Variants in IL21R observed in about 807,000 individuals in gnomAD.
IL21R encodes interleukin 21 receptor.
IL21R carries 14 observed loss-of-function variants against 41.3 expected under a neutral mutation model. That is an observed-to-expected ratio of 0.34 (90% CI 0.22 to 0.53). The LOEUF is 0.53. Ranked by LOEUF, IL21R falls within the 20% of genes least tolerant of loss-of-function variation. IL21R has a pLI of 0.94. For missense variants in IL21R, 588 were observed against 681.6 expected (o/e 0.86, Z 1.53); for synonymous variants, 286 against 287.6 (o/e 0.99, Z 0.05).
chr16:27,416,274 C>A (rs570269480), intron 1 of IL21R, among the ~76,000 whole-genome samples: 1 of 152,114 alleles, frequency 6.6e-6, no homozygotes, highest in Non-Finnish European at 1.5e-5. Context: ...GTAGCCTACA[C>A]TACAGGTTTG....
At chr16:27,418,876 T>A (rs997377352) in intron 1 of IL21R, among the ~76,000 whole-genome samples, 4 of 136,944 alleles carry the variant, frequency 2.9e-5, no homozygotes, top group Admixed American at 7.8e-5. Context: ...TATTTTAAAA[T>A]TTTTTATTTT....
At chr16:27,414,564 A>G (rs2086869663) in intron 1 of IL21R, among the ~76,000 whole-genome samples, 1 of 152,050 alleles carries the variant, frequency 6.6e-6, no homozygotes. Context: ...GACATCAATG[A>G]AAGCACTGAT....
rs2087569224 is a variant in IL21R, at chr16:27,450,282, T to C, written c.*999T>C. The C allele has an allele frequency of 4.3e-6, 1 of 232,398 alleles. No individual in the cohort carries two copies. Among genetic ancestry groups the C allele is most frequent in the Non-Finnish European group, 8.5e-6 (1 of 117,474 alleles). 14.4% of individuals were successfully genotyped at this position (232,398 alleles called of 1,614,324 possible). ...CTACTAAGTTTTTAAAAATTCCCTTTATGCACCCAAGAGATATTTATTAAA... is the reference window on the plus strand; with the variant it reads ...CTACTAAGTTTTTAAAAATTCCCTTCATGCACCCAAGAGATATTTATTAAA... On this transcript the variant is annotated 3_prime_UTR_variant, in exon 9 of 9. Transcript: ENST00000337929.
At position 27,434,388 on chromosome 16, in the gene IL21R, C is replaced by T; in HGVS notation, c.91C>T (p.Gln31Ter). Residue 31 changes from glutamine (Q) to a stop codon, truncating the protein, a stop_gained, in exon 3 of 9, where the codon CAG becomes TAG. Coordinates refer to ENST00000337929, the MANE Select transcript of IL21R (RefSeq NM_181078.3). LOFTEE classifies it high-confidence loss of function. Reference sequence around the variant, plus strand: ...CCTCGTCTGCTACACCGATTACCTCCAGACGGTCATCTGCATCCTGGAAAT... The same window carrying T: ...CCTCGTCTGCTACACCGATTACCTCTAGACGGTCATCTGCATCCTGGAAAT... ...PDLVCYTDYL[Q>*]TVICILEMWN... 6.2e-7 allele frequency: 1 copy of T among 1,614,082 alleles called. No individual in the cohort carries two copies. The highest frequency in any genetic ancestry group is 1.1e-5 in the South Asian group (1 of 91,084).
intron 1 of IL21R, among the ~76,000 whole-genome samples, chr16:27,414,726 C>A (rs959708493): frequency 6.6e-6 from 1 of 151,886 alleles, no homozygotes; most frequent in African/African-American, 2.4e-5. Flanking sequence ...CTTTTATATT[C>A]TTTTTGTGCT....
At chr16:27,447,549 AG>A (rs1412367169) in intron 8 of IL21R, 2 of 152,148 alleles carry the variant, frequency 1.3e-5, no homozygotes, top group Admixed American at 1.3e-4. Context: ...AGGGGAGGGA[AG>A]GGGAGGGTCC....
intron 1 of IL21R, among the ~76,000 whole-genome samples, chr16:27,417,731 G>A (rs2086912328): frequency 6.6e-6 from 1 of 152,166 alleles, no homozygotes; most frequent in Non-Finnish European, 1.5e-5. Flanking sequence ...ACAATTGTAA[G>A]TATTTGTGTA....
intron 1 of IL21R, among the ~76,000 whole-genome samples, chr16:27,406,924 G>C (rs1191586645): frequency 1.3e-5 from 2 of 152,200 alleles, no homozygotes; most frequent in Admixed American, 1.3e-4. Context: ...AGAACCCACT[G>C]AGATGAGAAC....
intron 4 of IL21R, among the ~76,000 whole-genome samples, chr16:27,440,277 A>AGAGAGAGCGC (rs1320948814): frequency 7.3e-6 from 1 of 136,646 alleles, no homozygotes; most frequent in Non-Finnish European, 1.5e-5. Context: ...AGAGAGAGAG[A>AGAGAGAGCGC]GAGCGAGCAA....
In IL21R at chr16:27,451,638, G is replaced by C; in HGVS notation, c.*2355G>C. The C allele has an allele frequency of 4.6e-6, 1 of 219,110 alleles. No homozygotes were observed. Among genetic ancestry groups the C allele is most frequent in the Non-Finnish European group, 9.2e-6 (1 of 109,168 alleles). 13.6% of individuals were successfully genotyped at this position (219,110 alleles called of 1,614,324 possible). A position where few individuals can be genotyped will look rare whatever the true frequency, so the allele number is the denominator to read the frequency against. On this transcript the variant is annotated 3_prime_UTR_variant, in exon 9 of 9. Transcript: ENST00000337929. The stretch of plus-strand genomic sequence containing the variant: ...GGAGGCTAAGGTGGGAGGATCGCTG[G>C]AGCCCAGGAATTTGAGGCTGCAGTG...
intron 1 of IL21R, among the ~76,000 whole-genome samples, chr16:27,418,694 T>C (rs1430086630): frequency 1.3e-5 from 2 of 152,150 alleles, no homozygotes; most frequent in Non-Finnish European, 1.5e-5. Context: ...ATAAACATTT[T>C]AACTTTTTAA....
chr16:27,411,207 T>G (rs2086816746), intron 1 of IL21R, among the ~76,000 whole-genome samples: 1 of 152,042 alleles, frequency 6.6e-6, no homozygotes, highest in African/African-American at 2.4e-5. Context: ...TTAAAAAAAT[T>G]TTTTAAAGTT....
rs567010478 is a variant in IL21R, at chr16:27,420,477, GTGAT to G, written c.-16-9573_-16-9570del. Among the ~76,000 whole-genome samples, 22 of 152,276 alleles carry G rather than the reference GTGAT, an allele frequency of 1.4e-4. No homozygotes were observed. In the South Asian group the frequency reaches 3.7e-3, roughly 26 times the overall value. ...ACCCTCCGCCCCCTCATTCACACTT[GTGAT>G]TGATTATTATTATTACCATCCTAAT... On this transcript the variant is annotated intron_variant, in intron 1 of 8. Coordinates refer to ENST00000337929, the MANE Select transcript of IL21R (RefSeq NM_181078.3).
chr16:27,410,347 A>C (rs2086806841), intron 1 of IL21R, among the ~76,000 whole-genome samples: 1 of 151,984 alleles, frequency 6.6e-6, no homozygotes, highest in South Asian at 2.1e-4. Flanking sequence ...AAAAAAAAAA[A>C]GTCTTGTACA....
At chr16:27,415,678 C>T (rs1042742704) in intron 1 of IL21R, among the ~76,000 whole-genome samples, 2 of 152,224 alleles carry the variant, frequency 1.3e-5, no homozygotes, top group African/African-American at 4.8e-5. Flanking sequence ...TTTACAGCTT[C>T]CATGAGAAAT....
chr16:27,450,582 CT>C lies in IL21R; in HGVS notation c.*1313del, dbSNP rs553596346. 4,779 of 186,220 alleles carry C rather than the reference CT, an allele frequency of 0.026. No homozygotes were observed. Among genetic ancestry groups the C allele is most frequent in the East Asian group, 0.057 (661 of 11,504 alleles). The allele number at this position is 186,220 out of a possible 1,614,324, so 11.5% of individuals were successfully genotyped here. Reference sequence around the variant, plus strand: ...TATTTCTTAGCAACATTTTCTTTTTCTTTTTTTTTTTTTTCTTTTGAGACAG... The same window carrying C: ...TATTTCTTAGCAACATTTTCTTTTTCTTTTTTTTTTTTTCTTTTGAGACAG... On this transcript the variant is annotated 3_prime_UTR_variant, in exon 9 of 9. Transcript: ENST00000337929.
chr16:27,445,200 C>T lies in IL21R; in HGVS notation c.709C>T (p.His237Tyr). 6.2e-7 allele frequency: 1 copy of T among 1,613,980 alleles called. No individual in the cohort carries two copies. The highest frequency in any genetic ancestry group is 8.5e-7 in the Non-Finnish European group (1 of 1,179,870). Residue 237 changes from histidine (H) to tyrosine (Y), a missense_variant, in exon 7 of 9, where the codon CAC becomes TAC. His to Tyr is a moderately conservative substitution (Grantham distance 83). Coordinates refer to ENST00000337929, the MANE Select transcript of IL21R (RefSeq NM_181078.3). ...AGAGTTAAAGGAAGGCTGGAACCCT[C>T]ACCTGCTGCTTCTCCTCCTGCTTGT... ...SEELKEGWNPHLLLLLLLVIV... is the reference protein window; with the variant it reads ...SEELKEGWNPYLLLLLLLVIV...
chr16:27,450,709 A>G lies in IL21R; in HGVS notation c.*1426A>G, dbSNP rs2087580863. On this transcript the variant is annotated 3_prime_UTR_variant, in exon 9 of 9. Transcript: ENST00000337929. ...AAGCGATTTCCTGCGTCAGCCCCAG[A>G]GTAGCTGGAATTACAGGCACACACC... 4.5e-6 allele frequency: 1 copy of G among 222,740 alleles called. No homozygotes were observed. The highest frequency in any genetic ancestry group is 9.0e-6 in the Non-Finnish European group (1 of 111,542). 13.8% of individuals were successfully genotyped at this position (222,740 alleles called of 1,614,324 possible).
At position 27,405,841 on chromosome 16, in the gene IL21R, G is replaced by T. The variant is rs570548653; in HGVS notation, c.-17+3223G>T. 1.7e-3 allele frequency among the ~76,000 whole-genome samples: 255 copies of T among 152,380 alleles called. 1 individual carries two copies. The highest frequency in any genetic ancestry group is 5.7e-3 in the African/African-American group (237 of 41,588). On this transcript the variant is annotated intron_variant, in intron 1 of 8. Transcript: ENST00000337929. ...CTGAGAATATTCCCCAGGCTGGGGG[G>T]CAGGGGCCACAAGGAGGGCCCCCGA... is the stretch of plus-strand genomic sequence containing the variant.
Sources: gnomAD v4.1 joint callset for allele counts (sites outside exome capture counted in the v4.1 genomes callset) on GRCh38, gnomAD v4.1.1 for gene constraint, MANE v1.5 for transcripts, NCBI Gene and HGNC (gene_info 2026-07-23, HGNC 2026-07-21) for gene names.